Variants in RGMA observed in about 807,000 individuals in gnomAD.
RGMA encodes the protein repulsive guidance molecule A.
Under a neutral mutation model 23.2 loss-of-function variants are expected in RGMA, and 10 were observed. That is an observed-to-expected ratio of 0.43 (90% CI 0.27 to 0.73). RGMA has a LOEUF of 0.73. Among genes scored for constraint, RGMA ranks in the 30% least tolerant of loss-of-function variants. The pLI is 0.20. For missense variants in RGMA, 547 were observed against 630.5 expected (o/e 0.87, Z 1.42); for synonymous variants, 308 against 279.3 (o/e 1.10, Z -1.03).
chr15:93,076,936 G>A (rs997788418), intron 1 of RGMA, among the ~76,000 whole-genome samples: 5 of 152,196 alleles, frequency 3.3e-5, no homozygotes, highest in African/African-American at 9.7e-5. Context: ...CTCTGACAGG[G>A]GAGACACAGA....
chr15:93,056,642 G>A (rs1413566355), intron 2 of RGMA, among the ~76,000 whole-genome samples: 2 of 152,146 alleles, frequency 1.3e-5, no homozygotes, highest in East Asian at 1.9e-4. Flanking sequence ...GGTGAGCTCC[G>A]TGCCCCACTA....
At position 93,088,953 on chromosome 15, in the gene RGMA, G is replaced by T; in HGVS notation, c.-21C>A. The T allele has an allele frequency of 1.4e-6, 2 of 1,392,190 alleles. No individual in the cohort carries two copies. The highest frequency in any genetic ancestry group is 1.9e-6 in the Non-Finnish European group (2 of 1,080,626). 86.2% of individuals were successfully genotyped at this position (1,392,190 alleles called of 1,614,324 possible). A position where few individuals can be genotyped will look rare whatever the true frequency, so the allele number is the denominator to read the frequency against. On this transcript the variant is annotated 5_prime_UTR_variant, in exon 1 of 4. Coordinates refer to ENST00000329082, the MANE Select transcript of RGMA (RefSeq NM_020211.3). Reference sequence around the variant, plus strand: ...TGCATGAGCCCCTGCGGCCCGCGGGGGGTGGCGCTGGCGGGGCTGCGGGAG... The same window carrying T: ...TGCATGAGCCCCTGCGGCCCGCGGGTGGTGGCGCTGGCGGGGCTGCGGGAG...
chr15:93,044,868 G>A lies in RGMA; in HGVS notation c.*130C>T. ...GGGGTCCGTGCCTGAGCCCTTGGCA[G>A]CAGGCGGTCCCTGGCGTTCTGCGGG... On this transcript the variant is annotated 3_prime_UTR_variant, in exon 4 of 4. Coordinates refer to ENST00000329082, the MANE Select transcript of RGMA (RefSeq NM_020211.3). 1 of 737,808 alleles carries A rather than the reference G, an allele frequency of 1.4e-6. No homozygotes were observed. The highest frequency in any genetic ancestry group is 2.2e-6 in the Non-Finnish European group (1 of 452,876). The allele number at this position is 737,808 out of a possible 1,614,324, so 45.7% of individuals were successfully genotyped here.
intron 1 of RGMA, among the ~76,000 whole-genome samples, chr15:93,083,003 G>A (rs1180085500): frequency 6.6e-6 from 1 of 152,278 alleles, no homozygotes; most frequent in Admixed American, 6.5e-5. Flanking sequence ...CACTGACCCA[G>A]AAAGGGAGGG....
chr15:93,045,343 G>T lies in RGMA; in HGVS notation c.1008C>A (p.Gly336=). The T allele has an allele frequency of 6.2e-7, 1 of 1,612,582 alleles. No individual in the cohort carries two copies. ...DFQAFHTNAE[G]TGARRLAAAS... ...CGGCTGCCAGCCTGCGGGCACCGGT[G>T]CCCTCAGCATTGGTGTGGAAGGCCT... The change falls in exon 4 of 4, where the codon GGC becomes GGA. Residue 336 remains glycine (G), a synonymous_variant. Coordinates refer to ENST00000329082, the MANE Select transcript of RGMA (RefSeq NM_020211.3). The surrounding 1 kb of genome is among the most constrained non-coding windows in gnomAD (Gnocchi z 6.9).
At chr15:93,055,463 CAG>C (rs1031055790) in intron 2 of RGMA, among the ~76,000 whole-genome samples, 51 of 152,330 alleles carry the variant, frequency 3.3e-4, no homozygotes, top group African/African-American at 1.2e-3. Context: ...CCCCAGCTCT[CAG>C]GGGAAAGCCG....
Position 93,045,712 on chromosome 15 carries a change from G to A in RGMA, c.646-7C>T. The A allele has an allele frequency of 1.3e-6, 2 of 1,597,004 alleles. No homozygotes were observed. Among genetic ancestry groups the A allele is most frequent in the Non-Finnish European group, 1.7e-6 (2 of 1,176,454 alleles). ...TCTTGAAGATGATGGTGAGCTGCCGGGGAAAGGGGCAGAGGAGAGTGGGTG... is the reference window on the plus strand; with the variant it reads ...TCTTGAAGATGATGGTGAGCTGCCGAGGAAAGGGGCAGAGGAGAGTGGGTG... On this transcript the variant is annotated splice_region_variant and splice_polypyrimidine_tract_variant and intron_variant, in intron 3 of 3. Transcript: ENST00000329082. This position sits in a 1 kb window ranked among gnomAD's most constrained non-coding sequence, Gnocchi z 6.9.
At chr15:93,073,185 G>T in intron 1 of RGMA, 154 bp from the exon 2 acceptor site, 3 of 1,219,272 alleles carry the variant, frequency 2.5e-6, no homozygotes, top group Non-Finnish European at 3.1e-6. Flanking sequence ...CCCCCCGCGC[G>T]CCCCTCCCTC....
intron 1 of RGMA, among the ~76,000 whole-genome samples, chr15:93,081,072 G>A (rs1430568932): frequency 6.6e-6 from 1 of 152,184 alleles, no homozygotes; most frequent in Non-Finnish European, 1.5e-5. Context: ...CACTGCCACT[G>A]AATATGGGGA....
At chr15:93,084,345 C>G (rs1039040850) in intron 1 of RGMA, among the ~76,000 whole-genome samples, 1 of 152,208 alleles carries the variant, frequency 6.6e-6, no homozygotes, top group African/African-American at 2.4e-5. Flanking sequence ...GAATGGTATT[C>G]CGGCAAGGCA....
At chr15:93,074,347 C>T (rs79736034) in intron 1 of RGMA, among the ~76,000 whole-genome samples, 3,100 of 152,238 alleles carry the variant, frequency 0.02, 125 homozygotes, top group African/African-American at 0.072. Context: ...TTTGGGGTTC[C>T]GGCTGCCAGG....
At chr15:93,087,395 A>C (rs2141851828) in intron 1 of RGMA, among the ~76,000 whole-genome samples, 1 of 131,924 alleles carries the variant, frequency 7.6e-6, no homozygotes, top group South Asian at 2.6e-4. Context: ...ATTGGAGATC[A>C]TGTCCCTGTA....
chr15:93,075,364 G>A (rs1377064814), intron 1 of RGMA, among the ~76,000 whole-genome samples: 4 of 152,036 alleles, frequency 2.6e-5, no homozygotes, highest in Non-Finnish European at 5.9e-5. Context: ...ACAGGTGTAT[G>A]CACTGATTCC....
intron 1 of RGMA, among the ~76,000 whole-genome samples, chr15:93,086,310 G>A (rs904454555): frequency 3.9e-5 from 6 of 152,146 alleles, no homozygotes; most frequent in African/African-American, 1.4e-4. Flanking sequence ...ATTCCAATTT[G>A]CCTGCGCTGC....
At position 93,043,008 on chromosome 15, in the gene RGMA, T is replaced by G. The variant is rs951161408; in HGVS notation, c.*1990A>C. 7 of 152,278 alleles carry G rather than the reference T, an allele frequency of 4.6e-5. No individual in the cohort carries two copies. The highest frequency in any genetic ancestry group is 2.0e-4 in the Admixed American group (3 of 15,280). The allele number at this position is 152,278 out of a possible 1,614,324, so 9.4% of individuals were successfully genotyped here. On this transcript the variant is annotated 3_prime_UTR_variant, in exon 4 of 4. Coordinates refer to ENST00000329082, the MANE Select transcript of RGMA (RefSeq NM_020211.3). ...CCACATAGTCACCTGTCTCCCTGAC[T>G]GTGTTCCACTGTCACTAGAACAAGA...
chr15:93,076,071 G>A (rs1312823564), intron 1 of RGMA, among the ~76,000 whole-genome samples: 5 of 152,166 alleles, frequency 3.3e-5, no homozygotes, highest in African/African-American at 2.4e-5. Flanking sequence ...CACTCCGTTC[G>A]CCATAGAAAC....
intron 1 of RGMA, among the ~76,000 whole-genome samples, chr15:93,083,009 G>C (rs1895582812): frequency 6.6e-6 from 1 of 152,254 alleles, no homozygotes; most frequent in South Asian, 2.1e-4. Flanking sequence ...CCCAGAAAGG[G>C]AGGGCCTGTG....
At chr15:93,077,190 G>T (rs1431387223) in intron 1 of RGMA, among the ~76,000 whole-genome samples, 1 of 152,054 alleles carries the variant, frequency 6.6e-6, no homozygotes, top group African/African-American at 2.4e-5. Context: ...AAGAGCTTGG[G>T]GGAGCCTGTG....
At position 93,067,606 on chromosome 15, in the gene RGMA, T is replaced by A. The variant is rs532529090; in HGVS notation, c.130+5310A>T. 7.9e-5 allele frequency among the ~76,000 whole-genome samples: 12 copies of A among 151,644 alleles called. No homozygotes were observed. The East Asian group carries it at 2.3e-3, about 30-fold the overall frequency. ...GTAGACGGCACTGAGCTTGGAGTGG[T>A]GAAACTGGGCAGTGTCCAGAGCAAT... is the stretch of plus-strand genomic sequence containing the variant. On this transcript the variant is annotated intron_variant, in intron 2 of 3. Transcript: ENST00000329082.
Sources: allele counts gnomAD v4.1 joint callset (sites outside exome capture counted in the v4.1 genomes callset), GRCh38; gene constraint gnomAD v4.1.1; non-coding constraint Gnocchi (gnomAD v3.1); transcripts MANE v1.5; gene names NCBI Gene and HGNC (gene_info 2026-07-23, HGNC 2026-07-21).